The following WDPCP variants were observed in gnomAD, a reference collection of about 807,000 sequenced individuals.
The protein encoded by WDPCP is WD repeat containing planar cell polarity effector, also known as WD repeat-containing and planar cell polarity effector protein fritz homolog.
In WDPCP, 71 loss-of-function variants were observed where a neutral mutation model predicts 93.1. That is an observed-to-expected ratio of 0.76 (90% CI 0.63 to 0.93). WDPCP has a LOEUF of 0.93. Among genes scored for constraint, WDPCP ranks in the 40% least tolerant of loss-of-function variants. WDPCP has a pLI of 0.00. For missense variants in WDPCP, 844 were observed against 887.4 expected (o/e 0.95, Z 0.62); for synonymous variants, 315 against 315.0 (o/e 1.00, Z 0.00).
At chr2:63,423,816 A>T (rs1177647288) in intron 9 of WDPCP, among the ~76,000 whole-genome samples, 1 of 152,216 alleles carries the variant, frequency 6.6e-6, no homozygotes. Context: ...AACTTTCCAA[A>T]AAGAAATATT....
intron 3 of WDPCP, chr2:63,597,689 C>T: frequency 1.1e-6 from 1 of 902,962 alleles, no homozygotes; most frequent in Non-Finnish European, 1.5e-6. Flanking sequence ...GTACAATCAT[C>T]AGTAAATACG....
At chr2:63,816,533 G>A (rs1575781129) in intron 1 of WDPCP, among the ~76,000 whole-genome samples, 1 of 152,170 alleles carries the variant, frequency 6.6e-6, no homozygotes, top group African/African-American at 2.4e-5. Context: ...CTGGAGTTAT[G>A]CTGCCACAAA....
intron 2 of WDPCP, among the ~76,000 whole-genome samples, chr2:63,791,865 T>G (rs1670550330): frequency 6.6e-6 from 1 of 152,200 alleles, no homozygotes; most frequent in African/African-American, 2.4e-5. Flanking sequence ...ATGATTCCTA[T>G]TCACATAATA....
rs187012054 is a variant in WDPCP at position 63,305,213 on chromosome 2, C to A, written c.1812+8035G>T. 3.1e-3 allele frequency among the ~76,000 whole-genome samples: 469 copies of A among 152,240 alleles called. 4 individuals are homozygous for A. Among genetic ancestry groups the A allele is most frequent in the African/African-American group, 0.011 (450 of 41,550 alleles). ...TCCTGCCTGCTAGCTCTGAAGAGAG[C>A]AGTGGATCTCCCAGCACAGCACTCA... On this transcript the variant is annotated intron_variant, in intron 13 of 17. Coordinates refer to ENST00000272321, the MANE Select transcript of WDPCP (RefSeq NM_015910.7).
intron 12 of WDPCP, among the ~76,000 whole-genome samples, chr2:63,372,704 T>A (rs1467685834): frequency 6.6e-6 from 1 of 152,216 alleles, no homozygotes; most frequent in Non-Finnish European, 1.5e-5. Flanking sequence ...TGGACTTTTG[T>A]GTACACTGAA....
At chr2:63,608,038 C>G (rs1709572646) in intron 3 of WDPCP, among the ~76,000 whole-genome samples, 1 of 151,920 alleles carries the variant, frequency 6.6e-6, no homozygotes, top group African/African-American at 2.4e-5. Flanking sequence ...TAAACATTAC[C>G]TACGTTGAAC....
intron 13 of WDPCP, among the ~76,000 whole-genome samples, chr2:63,274,664 C>T (rs1369783248): frequency 1.3e-5 from 2 of 152,102 alleles, no homozygotes; most frequent in African/African-American, 2.4e-5. Context: ...TCATCTGAGA[C>T]TTTTATGAAC....
At chr2:63,705,297 C>A (rs1049972483) in intron 2 of WDPCP, among the ~76,000 whole-genome samples, 1 of 152,100 alleles carries the variant, frequency 6.6e-6, no homozygotes, top group Non-Finnish European at 1.5e-5. Flanking sequence ...TCTCTGTTTC[C>A]TTCAGTTCTG....
intron 12 of WDPCP, among the ~76,000 whole-genome samples, chr2:63,337,377 C>A (rs1468599485): frequency 6.6e-6 from 1 of 152,064 alleles, no homozygotes; most frequent in African/African-American, 2.4e-5. Flanking sequence ...TTTCTTTATC[C>A]ATCCATCCAT....
At chr2:63,629,498 T>A (rs1304807919) in intron 3 of WDPCP, among the ~76,000 whole-genome samples, 1 of 152,204 alleles carries the variant, frequency 6.6e-6, no homozygotes, top group Non-Finnish European at 1.5e-5. Context: ...GGCACTCCTC[T>A]CCCACCTACA....
intron 12 of WDPCP, among the ~76,000 whole-genome samples, chr2:63,341,694 C>T (rs575431275): frequency 6.6e-6 from 1 of 152,192 alleles, no homozygotes; most frequent in Non-Finnish European, 1.5e-5. Context: ...TCAATGTTTG[C>T]TTCATATATC....
chr2:63,692,118 T>C (rs985782631), intron 2 of WDPCP, among the ~76,000 whole-genome samples: 2 of 152,188 alleles, frequency 1.3e-5, no homozygotes, highest in African/African-American at 2.4e-5. Flanking sequence ...CTACTCTTAC[T>C]GGGAGTGCCT....
intron 6 of WDPCP, among the ~76,000 whole-genome samples, chr2:63,481,391 G>C (rs1000987696): frequency 6.6e-6 from 1 of 151,942 alleles, no homozygotes; most frequent in African/African-American, 2.4e-5. Flanking sequence ...CCACTACTGG[G>C]TATCTACCGA....
At chr2:63,653,846 G>A (rs1325212218) in intron 2 of WDPCP, among the ~76,000 whole-genome samples, 1 of 150,372 alleles carries the variant, frequency 6.7e-6, no homozygotes, top group African/African-American at 2.5e-5. Flanking sequence ...GGAGACAAAG[G>A]TTGCAGTGAG....
At chr2:63,330,332 G>A (rs756085957) in intron 12 of WDPCP, among the ~76,000 whole-genome samples, 2 of 152,106 alleles carry the variant, frequency 1.3e-5, no homozygotes, top group Non-Finnish European at 2.9e-5. Context: ...CTGATAATTA[G>A]TAATGTCAAG....
At chr2:63,733,579 A>G (rs1669595672) in intron 2 of WDPCP, among the ~76,000 whole-genome samples, 2 of 152,192 alleles carry the variant, frequency 1.3e-5, no homozygotes, top group African/African-American at 4.8e-5. Context: ...GGGCAGAAGC[A>G]TTTAGCTGGT....
intron 3 of WDPCP, chr2:63,650,629 G>A (rs1710098186): frequency 6.6e-6 from 1 of 152,198 alleles, no homozygotes; most frequent in African/African-American, 2.4e-5. Context: ...GATAAGTGAA[G>A]TGAAAAGGAT....
At chr2:63,248,291 C>G (rs1403406355) in intron 14 of WDPCP, among the ~76,000 whole-genome samples, 2 of 152,106 alleles carry the variant, frequency 1.3e-5, no homozygotes, top group African/African-American at 4.8e-5. Context: ...CTTCTGGCCT[C>G]CAAAGCTTCT....
intron 1 of WDPCP, among the ~76,000 whole-genome samples, chr2:63,561,698 G>A (rs368745051): frequency 6.6e-6 from 1 of 152,026 alleles, no homozygotes; most frequent in Admixed American, 6.6e-5. Context: ...ACCCCACTAA[G>A]AAGTGGACAA....
Sources: allele counts gnomAD v4.1 joint callset (sites outside exome capture counted in the v4.1 genomes callset), GRCh38; gene constraint gnomAD v4.1.1; transcripts MANE v1.5; gene names NCBI Gene and HGNC (gene_info 2026-07-23, HGNC 2026-07-21).